GRM5: variants seen among roughly 807,000 people sequenced by gnomAD.
The protein encoded by GRM5 is metabotropic glutamate receptor 5.
Under a neutral mutation model 83.1 loss-of-function variants are expected in GRM5, and 19 were observed. That is an observed-to-expected ratio of 0.23 (90% confidence interval 0.16 to 0.34). The LOEUF (loss-of-function observed/expected upper bound fraction) is 0.34. Among genes scored for constraint, GRM5 ranks in the 10% least tolerant of loss-of-function variants. GRM5 has a pLI of 1.00. For synonymous variants in GRM5, 675 were observed against 633.6 expected (o/e 1.07, Z -0.98); for missense variants, 1,160 against 1,588.3 (o/e 0.73, Z 4.58).
rs749527174 is a variant in GRM5, at chr11:88,509,465, C to T, written c.2766G>A (p.Lys922=). 1.1e-5 allele frequency: 17 copies of T among 1,612,430 alleles called. 1 individual carries two copies. The Middle Eastern group carries it at 4.9e-4, about 47-fold the overall frequency. The change falls in exon 10 of 10, where the codon AAG becomes AAA. Residue 922 remains lysine (K), a synonymous_variant. Transcript: ENST00000305447. ...GKSVTWAQNE[K]SSRGQHLWQR... Reference sequence around the variant, plus strand: ...GCCACAGGTGCTGCCCCCGGCTGCTCTTCTCATTCTGGGCCCACGTGACGG... The same window carrying T: ...GCCACAGGTGCTGCCCCCGGCTGCTTTTCTCATTCTGGGCCCACGTGACGG...
intron 2 of GRM5, among the ~76,000 whole-genome samples, chr11:89,031,399 G>T (rs574256990): frequency 6.6e-6 from 1 of 151,836 alleles, no homozygotes; most frequent in African/African-American, 2.4e-5. Flanking sequence ...TTTAAATACA[G>T]AGATAAATAT....
intron 3 of GRM5, among the ~76,000 whole-genome samples, chr11:88,789,651 G>A (rs1943135910): frequency 6.6e-6 from 1 of 152,074 alleles, no homozygotes; most frequent in East Asian, 1.9e-4. Flanking sequence ...AAAATGCAAA[G>A]GAAATTTTCT....
At chr11:88,559,115 G>A (rs539795527) in intron 8 of GRM5, among the ~76,000 whole-genome samples, 2 of 152,160 alleles carry the variant, frequency 1.3e-5, no homozygotes, top group South Asian at 4.2e-4. Flanking sequence ...ACAAATATTT[G>A]AAAATCACCA....
At chr11:88,966,254 A>G (rs2134994410) in intron 2 of GRM5, among the ~76,000 whole-genome samples, 1 of 152,278 alleles carries the variant, frequency 6.6e-6, no homozygotes, top group East Asian at 1.9e-4. Flanking sequence ...AGAGAATGCT[A>G]TAGCATTAAA....
chr11:88,981,834 A>G (rs1211594385), intron 2 of GRM5, among the ~76,000 whole-genome samples: 2 of 152,182 alleles, frequency 1.3e-5, no homozygotes, highest in East Asian at 1.9e-4. Flanking sequence ...ACAGACAGCT[A>G]TAAGGGTTAA....
intron 3 of GRM5, among the ~76,000 whole-genome samples, chr11:88,712,613 G>T (rs530900341): frequency 1.3e-5 from 2 of 152,044 alleles, no homozygotes; most frequent in South Asian, 4.2e-4. Context: ...TCATCTTAGG[G>T]TTAAAATGGT....
At chr11:88,913,445 C>T (rs1945534738) in intron 2 of GRM5, among the ~76,000 whole-genome samples, 1 of 152,008 alleles carries the variant, frequency 6.6e-6, no homozygotes. Context: ...AGAGAGAATT[C>T]AGGGTATTTC....
intron 3 of GRM5, among the ~76,000 whole-genome samples, chr11:88,684,261 A>G (rs1335646617): frequency 6.6e-6 from 1 of 152,242 alleles, no homozygotes; most frequent in Non-Finnish European, 1.5e-5. Context: ...TAAATATGAT[A>G]TGAAACCATT....
At chr11:88,911,001 G>A (rs1176327360) in intron 2 of GRM5, among the ~76,000 whole-genome samples, 1 of 152,050 alleles carries the variant, frequency 6.6e-6, no homozygotes, top group African/African-American at 2.4e-5. Flanking sequence ...ATCTTTTATT[G>A]AAATGCTCTA....
At chr11:88,886,314 G>A (rs552003472) in intron 2 of GRM5, among the ~76,000 whole-genome samples, 17 of 152,218 alleles carry the variant, frequency 1.1e-4, no homozygotes, top group Admixed American at 3.9e-4. Context: ...ATGGGGGCTC[G>A]TCCGGGATAA....
chr11:89,027,231 G>A (rs910039274), intron 2 of GRM5, among the ~76,000 whole-genome samples: 23 of 152,098 alleles, frequency 1.5e-4, no homozygotes, highest in African/African-American at 4.6e-4. Flanking sequence ...AAGTAACTGG[G>A]ACTACAGGTG....
At chr11:88,701,154 T>C (rs2135372696) in intron 3 of GRM5, among the ~76,000 whole-genome samples, 1 of 152,292 alleles carries the variant, frequency 6.6e-6, no homozygotes, top group East Asian at 1.9e-4. Flanking sequence ...TCAGCCACTG[T>C]AGGCTTCTTG....
chr11:88,675,011 C>A (rs1194164770), intron 3 of GRM5, among the ~76,000 whole-genome samples: 1 of 151,916 alleles, frequency 6.6e-6, no homozygotes, highest in African/African-American at 2.4e-5. Flanking sequence ...CAAGATATCA[C>A]ATTTTTTATT....
chr11:88,542,350 T>G (rs918812395), intron 8 of GRM5, among the ~76,000 whole-genome samples: 2 of 137,244 alleles, frequency 1.5e-5, no homozygotes, highest in African/African-American at 4.9e-5. Context: ...ACCAAAGGCA[T>G]GGCTAAAAAG....
chr11:88,756,465 T>G (rs1316568477), intron 3 of GRM5, among the ~76,000 whole-genome samples: 2 of 152,066 alleles, frequency 1.3e-5, no homozygotes, highest in East Asian at 3.8e-4. Flanking sequence ...AGTTATAAAA[T>G]AAGAGATAAG....
intron 3 of GRM5, among the ~76,000 whole-genome samples, chr11:88,756,194 A>C (rs1403164070): frequency 6.6e-6 from 1 of 152,182 alleles, no homozygotes; most frequent in Non-Finnish European, 1.5e-5. Context: ...TCTTCAATAA[A>C]ATTGCCATTT....
At chr11:88,905,642 A>G (rs1175569215) in intron 2 of GRM5, among the ~76,000 whole-genome samples, 1 of 152,028 alleles carries the variant, frequency 6.6e-6, no homozygotes, top group African/African-American at 2.4e-5. Context: ...ATGCCTGGAC[A>G]AGGTTACTTT....
intron 3 of GRM5, among the ~76,000 whole-genome samples, chr11:88,783,033 A>C (rs1943002450): frequency 6.6e-6 from 1 of 152,192 alleles, no homozygotes; most frequent in African/African-American, 2.4e-5. Context: ...TGGCAAAACT[A>C]GATCCAGAAC....
intron 3 of GRM5, among the ~76,000 whole-genome samples, chr11:88,666,742 C>T (rs1440131371): frequency 7.0e-5 from 8 of 113,878 alleles, no homozygotes; most frequent in Admixed American, 6.1e-4. Context: ...GATCCTCTCA[C>T]TATCAAGCTA....
Sources: allele counts gnomAD v4.1 joint callset (sites outside exome capture counted in the v4.1 genomes callset), GRCh38; gene constraint gnomAD v4.1.1; transcripts MANE v1.5; gene names NCBI Gene and HGNC (gene_info 2026-07-23, HGNC 2026-07-21).